Variants in PIK3C2G observed in about 807,000 individuals in gnomAD.
PIK3C2G encodes the protein phosphatidylinositol-4-phosphate 3-kinase catalytic subunit type 2 gamma.
In PIK3C2G, 168 loss-of-function variants were observed where a neutral mutation model predicts 181.1. That is an observed-to-expected ratio of 0.93 (90% CI 0.82 to 1.05). The LOEUF is 1.05. PIK3C2G is among the 50% of genes least tolerant of loss of function. The pLI, the probability that PIK3C2G is intolerant of heterozygous loss-of-function variation, is 0.00. For synonymous variants in PIK3C2G, 573 were observed against 592.2 expected (o/e 0.97, Z 0.47); for missense variants, 1,869 against 1,732.8 (o/e 1.08, Z -1.40).
intron 30 of PIK3C2G, among the ~76,000 whole-genome samples, chr12:18,604,846 G>T (rs1481610795): frequency 1.3e-5 from 2 of 152,112 alleles, no homozygotes; most frequent in East Asian, 3.9e-4. Flanking sequence ...TCTTTGAACT[G>T]AATGACAGTA....
intron 1 of PIK3C2G, among the ~76,000 whole-genome samples, chr12:18,261,847 T>A (rs1256912185): frequency 1.3e-5 from 2 of 151,998 alleles, no homozygotes; most frequent in African/African-American, 2.4e-5. Flanking sequence ...TCTTTCTTTC[T>A]CTCTCTCTCC....
chr12:18,555,553 T>C (rs2136305152), intron 26 of PIK3C2G, among the ~76,000 whole-genome samples: 1 of 152,224 alleles, frequency 6.6e-6, no homozygotes, highest in South Asian at 2.1e-4. Context: ...AAAGTGCATG[T>C]ATTATGAAGT....
chr12:18,658,564 A>G, the PIK3C2G span, among the ~76,000 whole-genome samples: 1 of 152,152 alleles, frequency 6.6e-6, no homozygotes, highest in African/African-American at 2.4e-5. Context: ...CAACCAAGAG[A>G]TCTATATTTG....
At chr12:18,427,961 G>A (rs994576716) in intron 18 of PIK3C2G, among the ~76,000 whole-genome samples, 2 of 152,084 alleles carry the variant, frequency 1.3e-5, no homozygotes, top group Non-Finnish European at 2.9e-5. Flanking sequence ...AGGGTCACAC[G>A]TGTAGGTTTG....
At chr12:18,547,036 G>C (rs976388760) in intron 26 of PIK3C2G, among the ~76,000 whole-genome samples, 1 of 151,854 alleles carries the variant, frequency 6.6e-6, no homozygotes, top group Non-Finnish European at 1.5e-5. Flanking sequence ...AATTTTAGGT[G>C]CTCAATAAAT....
At chr12:18,711,694 C>T in the PIK3C2G span, among the ~76,000 whole-genome samples, 54 of 151,846 alleles carry the variant, frequency 3.6e-4, no homozygotes, top group African/African-American at 9.2e-4. Flanking sequence ...AAGATCGTGG[C>T]GAGAGCAGGA....
the PIK3C2G span, among the ~76,000 whole-genome samples, chr12:18,708,384 T>C: frequency 6.6e-6 from 1 of 152,218 alleles, no homozygotes; most frequent in African/African-American, 2.4e-5. Flanking sequence ...CCATTGCATA[T>C]ATCCATTTTC....
the PIK3C2G span, chr12:18,694,859 T>C: frequency 7.4e-6 from 10 of 1,358,088 alleles, no homozygotes; most frequent in Non-Finnish European, 1.0e-5. Context: ...ATGTACACTA[T>C]CTAGTTTATA....
At chr12:18,314,282 T>C (rs1950765717) in intron 6 of PIK3C2G, among the ~76,000 whole-genome samples, 1 of 152,128 alleles carries the variant, frequency 6.6e-6, no homozygotes, top group African/African-American at 2.4e-5. Context: ...ACTGCAATCT[T>C]AGTGTTATGG....
At chr12:18,579,319 C>T (rs964242811) in intron 29 of PIK3C2G, among the ~76,000 whole-genome samples, 1 of 152,128 alleles carries the variant, frequency 6.6e-6, no homozygotes, top group Admixed American at 6.6e-5. Flanking sequence ...AATCGTACAA[C>T]CTTAACTTGC....
At chr12:18,693,957 A>C in the PIK3C2G span, 1 of 1,514,830 alleles carries the variant, frequency 6.6e-7, no homozygotes, top group African/African-American at 1.4e-5. Flanking sequence ...TCTGGTGCTG[A>C]CATCAAGGCA....
the PIK3C2G span, among the ~76,000 whole-genome samples, chr12:18,667,332 G>A: frequency 6.6e-6 from 1 of 152,102 alleles, no homozygotes; most frequent in Non-Finnish European, 1.5e-5. Context: ...CTACCAAGAA[G>A]TTAACAGTCA....
At chr12:18,682,773 C>G in the PIK3C2G span, among the ~76,000 whole-genome samples, 1 of 151,904 alleles carries the variant, frequency 6.6e-6, no homozygotes, top group Admixed American at 6.6e-5. Flanking sequence ...AATGCAGGGG[C>G]TAATTACTCT....
At chr12:18,337,525 G>T (rs973154490) in intron 8 of PIK3C2G, among the ~76,000 whole-genome samples, 1 of 152,168 alleles carries the variant, frequency 6.6e-6, no homozygotes, top group Non-Finnish European at 1.5e-5. Flanking sequence ...TACAAGAAGT[G>T]TGGTGCCAGC....
At chr12:18,431,683 G>A (rs1164112769) in intron 18 of PIK3C2G, among the ~76,000 whole-genome samples, 1 of 152,050 alleles carries the variant, frequency 6.6e-6, no homozygotes, top group Non-Finnish European at 1.5e-5. Flanking sequence ...AATCCATAGG[G>A]GGCTTTAAAG....
intron 30 of PIK3C2G, among the ~76,000 whole-genome samples, chr12:18,608,058 G>A (rs527563049): frequency 1.9e-5 from 2 of 107,286 alleles, no homozygotes; most frequent in African/African-American, 5.7e-5. Context: ...ACAACAGGAT[G>A]TGGAGGATGT....
chr12:18,321,332 T>C (rs1294953774), intron 7 of PIK3C2G, among the ~76,000 whole-genome samples: 3 of 152,238 alleles, frequency 2.0e-5, no homozygotes, highest in Non-Finnish European at 4.4e-5. Flanking sequence ...TGGGTTTGCA[T>C]ATGTCACTTA....
At chr12:18,665,792 A>G in the PIK3C2G span, among the ~76,000 whole-genome samples, 1 of 151,958 alleles carries the variant, frequency 6.6e-6, no homozygotes, top group African/African-American at 2.4e-5. Context: ...AAAATTAGCC[A>G]GGCGTAGTGG....
the PIK3C2G span, chr12:18,683,417 C>G: frequency 1.4e-6 from 2 of 1,467,680 alleles, no homozygotes; most frequent in Non-Finnish European, 1.9e-6. Context: ...CTTTACTAAG[C>G]CTACATTAAA....
Sources: allele counts gnomAD v4.1 joint callset (sites outside exome capture counted in the v4.1 genomes callset), GRCh38; gene constraint gnomAD v4.1.1; transcripts MANE v1.5; gene names NCBI Gene and HGNC (gene_info 2026-07-23, HGNC 2026-07-21).